The following CIMAP1B variants were observed in gnomAD, a reference collection of about 807,000 sequenced individuals.
CIMAP1B encodes the protein ciliary microtubule associated protein 1B, also known as orf2 5' to PD-ECGF/TP.
chr22:50,531,633 C>T, the CIMAP1B span: 2 of 1,383,708 alleles, frequency 1.4e-6, no homozygotes, highest in Non-Finnish European at 1.9e-6. Flanking sequence ...TAGGCGGGGG[C>T]GCCGTCGGTG....
At chr22:50,531,739 G>C in the CIMAP1B span, 1 of 1,373,416 alleles carries the variant, frequency 7.3e-7, no homozygotes, top group South Asian at 1.8e-5. Context: ...TGAAGGCGGG[G>C]GCGCGCGGCC....
At chr22:50,530,660 A>G in the CIMAP1B span, 2 of 1,596,852 alleles carry the variant, frequency 1.3e-6, no homozygotes, top group Middle Eastern at 3.3e-4. Flanking sequence ...CTCCGACCTC[A>G]GGCCCTCCCC....
the CIMAP1B span, chr22:50,531,626 G>T: frequency 1.4e-6 from 2 of 1,391,006 alleles, no homozygotes; most frequent in Non-Finnish European, 1.9e-6. Flanking sequence ...GATGGAGTAG[G>T]CGGGGGCGCC....
chr22:50,531,036 G>C, the CIMAP1B span: 2 of 1,610,124 alleles, frequency 1.2e-6, no homozygotes, highest in South Asian at 2.2e-5. Flanking sequence ...CCAAGAGCGA[G>C]GGCACCGTAT....
the CIMAP1B span, chr22:50,531,744 G>T: frequency 3.6e-6 from 5 of 1,371,878 alleles, no homozygotes; most frequent in Non-Finnish European, 3.7e-6. Flanking sequence ...GCGGGGGCGC[G>T]CGGCCGCGAC....
At chr22:50,531,508 C>T in the CIMAP1B span, 8 of 1,371,490 alleles carry the variant, frequency 5.8e-6, no homozygotes, top group Non-Finnish European at 7.6e-6. Context: ...TCGGGGGTTC[C>T]CAGGTGGGCC....
chr22:50,530,993 T>C, the CIMAP1B span: 1 of 1,610,514 alleles, frequency 6.2e-7, no homozygotes, highest in Admixed American at 1.7e-5. Context: ...ATGGAGCAAG[T>C]TGGGGCGGAG....
At chr22:50,532,076 A>G in the CIMAP1B span, 10 of 1,368,502 alleles carry the variant, frequency 7.3e-6, no homozygotes, top group Non-Finnish European at 8.5e-6. Flanking sequence ...GTCCGAGCCC[A>G]TAGCGCGGGT....
At chr22:50,532,189 A>G in the CIMAP1B span, 6 of 1,267,182 alleles carry the variant, frequency 4.7e-6, no homozygotes, top group Non-Finnish European at 5.0e-6. Flanking sequence ...CCCTGGGATC[A>G]GCGCGGGGCG....
chr22:50,530,919 C>T, the CIMAP1B span: 4 of 1,609,828 alleles, frequency 2.5e-6, no homozygotes, highest in Non-Finnish European at 2.5e-6. Context: ...CCTGCGTCCG[C>T]CCCGGCCCCT....
the CIMAP1B span, chr22:50,532,374 A>G: frequency 0.042 from 13,107 of 308,712 alleles, 1,548 homozygotes; most frequent in African/African-American, 0.26. Flanking sequence ...GGTGAAGGGA[A>G]TCACCTGGGG....
chr22:50,531,314 G>A, the CIMAP1B span: 10 of 1,589,148 alleles, frequency 6.3e-6, no homozygotes, highest in East Asian at 2.2e-4. Flanking sequence ...CGGATCAAGG[G>A]TGTGGGGGGC....
At chr22:50,532,375 T>G in the CIMAP1B span, 1 of 303,708 alleles carries the variant, frequency 3.3e-6, no homozygotes. Flanking sequence ...GTGAAGGGAA[T>G]CACCTGGGGG....
the CIMAP1B span, chr22:50,530,950 T>G: frequency 6.2e-7 from 1 of 1,611,118 alleles, no homozygotes; most frequent in East Asian, 2.2e-5. Context: ...GCTGAGGTCC[T>G]CGAAGAAACT....
the CIMAP1B span, chr22:50,531,837 C>T: frequency 3.7e-6 from 5 of 1,336,310 alleles, no homozygotes; most frequent in African/African-American, 1.5e-5. Context: ...AACACGGACC[C>T]TCCCCCGGCA....
the CIMAP1B span, chr22:50,531,482 G>C: frequency 2.5e-6 from 3 of 1,196,656 alleles, no homozygotes; most frequent in African/African-American, 3.2e-5. Flanking sequence ...TATCCGAGGG[G>C]GACTCGGGGT....
At chr22:50,530,921 C>T in the CIMAP1B span, 3 of 1,609,960 alleles carry the variant, frequency 1.9e-6, no homozygotes, top group African/African-American at 4.0e-5. Flanking sequence ...TGCGTCCGCC[C>T]CGGCCCCTCC....
At chr22:50,532,252 T>C in the CIMAP1B span, 2 of 813,826 alleles carry the variant, frequency 2.5e-6, no homozygotes, top group Non-Finnish European at 3.3e-6. Flanking sequence ...GCGAGCTTCC[T>C]TCCCGGCTGT....
chr22:50,532,421 A>G, the CIMAP1B span: 2 of 226,240 alleles, frequency 8.8e-6, no homozygotes, highest in Non-Finnish European at 1.7e-5. Context: ...GCTGTTGGGA[A>G]AGGGTGCCCC....
Sources: gnomAD v4.1 joint callset for allele counts on GRCh38, gnomAD v4.1.1 for gene constraint, MANE v1.5 for transcripts, NCBI Gene and HGNC (gene_info 2026-07-23, HGNC 2026-07-21) for gene names.